Variants in CAMK4 observed in about 807,000 individuals in gnomAD.
The protein encoded by CAMK4 is calcium/calmodulin-dependent protein kinase type IV.
Under a neutral mutation model 44.9 loss-of-function variants are expected in CAMK4, and 22 were observed. That is an observed-to-expected ratio of 0.49 (90% CI 0.35 to 0.70). The LOEUF (loss-of-function observed/expected upper bound fraction) is 0.70, where lower values mean the gene tolerates loss of function less well. Ranked by LOEUF, CAMK4 falls within the 30% of genes least tolerant of loss-of-function variation. CAMK4 has a pLI of 0.01. For synonymous variants in CAMK4, 218 were observed against 215.4 expected (o/e 1.01, Z -0.11); for missense variants, 498 against 586.8 (o/e 0.85, Z 1.56).
rs951573888 is a variant in CAMK4, at chr5:111,485,985, A to T, written c.*1519A>T. On this transcript the variant is annotated 3_prime_UTR_variant, in exon 11 of 11. Transcript: ENST00000282356. ...CATTTTAAAAAATAATTATTTTCAG[A>T]GACCAAATAAAGACAATAAAAATGA... 4 of 152,220 alleles carry T rather than the reference A, an allele frequency of 2.6e-5. No individual in the cohort carries two copies. The highest frequency in any genetic ancestry group is 5.9e-5 in the Non-Finnish European group (4 of 68,040). 9.4% of individuals were successfully genotyped at this position (152,220 alleles called of 1,614,324 possible).
intron 1 of CAMK4, among the ~76,000 whole-genome samples, chr5:111,267,703 CAAAAAAAAAAA>C (rs59699712): frequency 3.1e-4 from 22 of 71,738 alleles, no homozygotes; most frequent in African/African-American, 9.5e-4. Context: ...GACTCCGTCT[CAAAAAAAAAAA>C]AAAAAAAAAA....
intron 4 of CAMK4, among the ~76,000 whole-genome samples, chr5:111,393,834 G>A (rs1464119637): frequency 1.3e-5 from 2 of 150,994 alleles, no homozygotes; most frequent in Non-Finnish European, 2.9e-5. Context: ...AGTTTGTGTA[G>A]CAAACTTGCC....
chr5:111,284,849 TG>T (rs1187998132), intron 1 of CAMK4, among the ~76,000 whole-genome samples: 3 of 152,206 alleles, frequency 2.0e-5, no homozygotes, highest in Non-Finnish European at 4.4e-5. Context: ...TGATTTTTTT[TG>T]TTCCTGATTT....
chr5:111,261,329 A>G (rs914340298), intron 1 of CAMK4, among the ~76,000 whole-genome samples: 1 of 152,170 alleles, frequency 6.6e-6, no homozygotes, highest in Non-Finnish European at 1.5e-5. Flanking sequence ...CTGGTGCATA[A>G]TATGCACTAG....
At chr5:111,463,074 T>C (rs1754696667) in intron 7 of CAMK4, among the ~76,000 whole-genome samples, 1 of 152,192 alleles carries the variant, frequency 6.6e-6, no homozygotes, top group Non-Finnish European at 1.5e-5. Context: ...CATTGAAGAT[T>C]GGAGTATGAG....
chr5:111,292,703 C>T (rs969956973), intron 1 of CAMK4, among the ~76,000 whole-genome samples: 1 of 152,016 alleles, frequency 6.6e-6, no homozygotes, highest in African/African-American at 2.4e-5. Flanking sequence ...GGGAGGATCA[C>T]TTGAGCCCAG....
At chr5:111,408,576 T>G (rs1005652109) in intron 5 of CAMK4, among the ~76,000 whole-genome samples, 6 of 152,120 alleles carry the variant, frequency 3.9e-5, no homozygotes, top group Non-Finnish European at 5.9e-5. Flanking sequence ...CCCTGACCCC[T>G]CCTAAATCTC....
chr5:111,329,263 C>T (rs1034797464), intron 1 of CAMK4, among the ~76,000 whole-genome samples: 5 of 151,834 alleles, frequency 3.3e-5, no homozygotes, highest in Admixed American at 3.3e-4. Context: ...AAACCCACAG[C>T]CAATATCATA....
chr5:111,269,270 T>C (rs1750398137), intron 1 of CAMK4, among the ~76,000 whole-genome samples: 1 of 152,238 alleles, frequency 6.6e-6, no homozygotes, highest in Non-Finnish European at 1.5e-5. Context: ...GCAAACCTTT[T>C]TGACTTGACA....
chr5:111,409,139 T>C (rs1217262639), intron 5 of CAMK4, among the ~76,000 whole-genome samples: 3 of 152,184 alleles, frequency 2.0e-5, no homozygotes, highest in African/African-American at 7.2e-5. Flanking sequence ...GAGGACTTTG[T>C]GTGGGGGCTA....
chr5:111,484,263 G>T lies in CAMK4; in HGVS notation c.1219G>T (p.Asp407Tyr), dbSNP rs747426080. Reference sequence around the variant, plus strand: ...AGCCTTAGAGAAAGTTAAAGGTGCAGATATAAATGCTGAAGAGGCCCCCAA... The same window carrying T: ...AGCCTTAGAGAAAGTTAAAGGTGCATATATAAATGCTGAAGAGGCCCCCAA... ...VQALEKVKGA[D>Y]INAEEAPKMV... The change falls in exon 11 of 11, where the codon GAT becomes TAT. Residue 407 changes from aspartate to tyrosine, a missense_variant. Physicochemically the swap from Asp to Tyr is radical, Grantham distance 160. Transcript: ENST00000282356. The surrounding 1 kb of genome is among the most constrained non-coding windows in gnomAD (Gnocchi z 5.3). The T allele has an allele frequency of 6.2e-7, 1 of 1,614,130 alleles. No homozygotes were observed. The highest frequency in any genetic ancestry group is 8.5e-7 in the Non-Finnish European group (1 of 1,180,018).
chr5:111,351,585 T>A lies in CAMK4; in HGVS notation c.240+7483T>A, dbSNP rs542947018. On this transcript the variant is annotated intron_variant, in intron 2 of 10. Coordinates refer to ENST00000282356, the MANE Select transcript of CAMK4 (RefSeq NM_001744.6). ...CACACCCGGCTAATTTTTGTATTTT[T>A]TTTTTTAGTAGAGATGGGGTTTCAC... 4.6e-5 allele frequency among the ~76,000 whole-genome samples: 7 copies of A among 151,834 alleles called. No individual in the cohort carries two copies. In the East Asian group the frequency reaches 7.8e-4, roughly 17 times the overall value.
chr5:111,435,243 A>G (rs1009134813), intron 5 of CAMK4, among the ~76,000 whole-genome samples: 7 of 152,130 alleles, frequency 4.6e-5, no homozygotes, highest in South Asian at 2.1e-4. Flanking sequence ...TCATTTATAC[A>G]TTGGTGAATG....
intron 7 of CAMK4, among the ~76,000 whole-genome samples, chr5:111,466,843 A>G (rs152814): frequency 0.23 from 34,571 of 151,606 alleles, 4,927 homozygotes; most frequent in Non-Finnish European, 0.32. Flanking sequence ...GAAAAAAACT[A>G]TTCTAAAATT....
chr5:111,478,483 A>C lies in CAMK4; in HGVS notation c.804A>C (p.Glu268Asp). ...ACTTTATCTCCCCCTGGTGGGATGAAGTATCTCTAAATGCCAAGGACTTGG... is the reference window on the plus strand; with the variant it reads ...ACTTTATCTCCCCCTGGTGGGATGACGTATCTCTAAATGCCAAGGACTTGG... ...EYYFISPWWD[E>D]VSLNAKDLVR... The change falls in exon 9 of 11, where the codon GAA becomes GAC. Residue 268 changes from glutamate to aspartate, a missense_variant. Around this residue, in one of 3 missense-constraint regions of CAMK4, gnomAD observed 203 missense variants for 298.2 expected, o/e 0.68. Transcript: ENST00000282356. The C allele has an allele frequency of 2.6e-6, 4 of 1,545,116 alleles. No homozygotes were observed. The highest frequency in any genetic ancestry group is 3.6e-6 in the Non-Finnish European group (4 of 1,124,008).
intron 1 of CAMK4, among the ~76,000 whole-genome samples, chr5:111,295,316 T>G (rs994499444): frequency 3.3e-5 from 5 of 152,244 alleles, no homozygotes; most frequent in Admixed American, 2.6e-4. Flanking sequence ...CTCCATATCC[T>G]ACAAATTTCT....
At chr5:111,311,703 G>A (rs1748211329) in intron 1 of CAMK4, among the ~76,000 whole-genome samples, 1 of 152,152 alleles carries the variant, frequency 6.6e-6, no homozygotes, top group Admixed American at 6.6e-5. Context: ...ATTTCTAAAA[G>A]ACATTTTTTC....
chr5:111,289,441 T>C (rs936638048), intron 1 of CAMK4, among the ~76,000 whole-genome samples: 1 of 152,212 alleles, frequency 6.6e-6, no homozygotes, highest in African/African-American at 2.4e-5. Context: ...GATATCCTCC[T>C]CACCACTTTG....
intron 2 of CAMK4, among the ~76,000 whole-genome samples, chr5:111,367,465 G>GT (rs2112808438): frequency 6.6e-6 from 1 of 152,150 alleles, no homozygotes; most frequent in South Asian, 2.1e-4. Context: ...ATAGCACCTA[G>GT]TAACAGATAA....
Sources: gnomAD v4.1 joint callset for allele counts (sites outside exome capture counted in the v4.1 genomes callset) on GRCh38, gnomAD v4.1.1 for gene constraint, gnomAD v4.1.1 regional missense constraint, Gnocchi (gnomAD v3.1) non-coding constraint, MANE v1.5 for transcripts, NCBI Gene and HGNC (gene_info 2026-07-23, HGNC 2026-07-21) for gene names.